Variants in TRIM14 observed in about 807,000 individuals in gnomAD.
TRIM14 encodes the protein tripartite motif-containing protein 14.
In TRIM14, 28 loss-of-function variants were observed where a neutral mutation model predicts 44.5. The observed-to-expected ratio is 0.63, with a 90% CI of 0.47 to 0.86. The LOEUF (loss-of-function observed/expected upper bound fraction) is 0.86. Among genes scored for constraint, TRIM14 ranks in the 40% least tolerant of loss-of-function variants. The pLI is 0.00. For synonymous variants in TRIM14, 299 were observed against 269.2 expected (o/e 1.11, Z -1.08); for missense variants, 607 against 611.1 (o/e 0.99, Z 0.07).
At chr9:98,052,490 A>AG in the TRIM14 span, among the ~76,000 whole-genome samples, 1 of 150,990 alleles carries the variant, frequency 6.6e-6, no homozygotes, top group African/African-American at 2.4e-5. Context: ...TTTTTTCTTA[A>AG]AAAAAAAACT....
intron 2 of TRIM14, among the ~76,000 whole-genome samples, chr9:98,105,837 C>T (rs1357579632): frequency 6.6e-6 from 1 of 152,180 alleles, no homozygotes; most frequent in Non-Finnish European, 1.5e-5. Flanking sequence ...CAAAGAGCTG[C>T]TCCATCCATC....
chr9:98,118,238 G>A (rs1827122756), intron 1 of TRIM14, among the ~76,000 whole-genome samples: 1 of 109,872 alleles, frequency 9.1e-6, no homozygotes, highest in African/African-American at 4.1e-5. Flanking sequence ...TGGGAAGCTG[G>A]AGCAGGAGCC....
At chr9:98,105,940 A>G (rs987958199) in intron 2 of TRIM14, among the ~76,000 whole-genome samples, 2 of 152,250 alleles carry the variant, frequency 1.3e-5, no homozygotes, top group African/African-American at 4.8e-5. Context: ...GAAAATCACC[A>G]GCAAAACAAA....
At chr9:98,064,140 A>T in the TRIM14 span, among the ~76,000 whole-genome samples, 1 of 152,226 alleles carries the variant, frequency 6.6e-6, no homozygotes, top group East Asian at 1.9e-4. Context: ...CTAGGCCTCT[A>T]GAGAACTTGG....
rs1464010111 is a variant in TRIM14, at chr9:98,095,555, T to C, written c.538-526A>G. On this transcript the variant is annotated intron_variant, in intron 3 of 5. Transcript: ENST00000341469. This position sits in a 1 kb window ranked among gnomAD's most constrained non-coding sequence, Gnocchi z 4.1. Reference sequence around the variant, plus strand: ...TCAGCTGCAGTGCTGACTGAGGGGGTGTGGCCACCGCAGGGGACATGTGTC... The same window carrying C: ...TCAGCTGCAGTGCTGACTGAGGGGGCGTGGCCACCGCAGGGGACATGTGTC... Among the ~76,000 whole-genome samples the C allele has an allele frequency of 6.6e-6, 1 of 152,072 alleles. No homozygotes were observed. The highest frequency in any genetic ancestry group is 1.5e-5 in the Non-Finnish European group (1 of 67,996).
chr9:98,057,211 AT>A, the TRIM14 span, among the ~76,000 whole-genome samples: 3 of 152,176 alleles, frequency 2.0e-5, no homozygotes, highest in Non-Finnish European at 4.4e-5. Flanking sequence ...GTCAGACTTG[AT>A]CAGACCATCC....
chr9:98,051,192 C>A, the TRIM14 span, among the ~76,000 whole-genome samples: 1 of 152,186 alleles, frequency 6.6e-6, no homozygotes, highest in Non-Finnish European at 1.5e-5. Flanking sequence ...ACCAGGGAGA[C>A]TACTATTATG....
At chr9:98,081,170 C>T, downstream of TRIM14, 1 of 1,540,394 alleles carries the variant, frequency 6.5e-7, no homozygotes, top group African/African-American at 1.4e-5. Context: ...GACCAGCCCT[C>T]CCTGAGCCAG....
Position 98,084,909 on chromosome 9 carries a change from G to T in TRIM14, c.*2561C>A, listed in dbSNP as rs1825718041. 6.6e-6 allele frequency: 1 copy of T among 152,172 alleles called. No individual in the cohort carries two copies. Among genetic ancestry groups the T allele is most frequent in the African/African-American group, 2.4e-5 (1 of 41,412 alleles). 9.4% of individuals were successfully genotyped at this position (152,172 alleles called of 1,614,324 possible). On this transcript the variant is annotated 3_prime_UTR_variant, in exon 6 of 6. Coordinates refer to ENST00000341469, the MANE Select transcript of TRIM14 (RefSeq NM_014788.4). ...CATTTGAGCCTCACAGCACTTGGTA[G>T]GTAGTGCTATTATCCCCATTTTATA...
the TRIM14 span, among the ~76,000 whole-genome samples, chr9:98,051,517 A>C: frequency 7.5e-6 from 1 of 133,508 alleles, no homozygotes; most frequent in African/African-American, 3.4e-5. Context: ...TTACAGTAGA[A>C]CCTGCTATAG....
rs375645370 is a variant in TRIM14 at position 98,107,260 on chromosome 9, A to G, written c.303+2629T>C. ...TTAAAAAACAAAACAGGCAGGTGCC[A>G]TATGACCCAGCAATAGCATTCCTGG... On this transcript the variant is annotated intron_variant, in intron 2 of 5. Transcript: ENST00000341469. Among the ~76,000 whole-genome samples the G allele has an allele frequency of 3.7e-4, 57 of 152,354 alleles. 3 individuals are homozygous for G. In the South Asian group the frequency reaches 0.012, roughly 31 times the overall value.
rs369749928 is a variant in TRIM14 at position 98,087,452 on chromosome 9, T to C, written c.*18A>G. The C allele has an allele frequency of 3.9e-5, 63 of 1,605,812 alleles. No individual in the cohort carries two copies. Among genetic ancestry groups the C allele is most frequent in the Admixed American group, 6.7e-5 (4 of 59,520 alleles). ...GCAGCTGCGGCGTACCTGGAGGCTG[T>C]CACGCCGGTCCTGGCCCCTAGGGCA... On this transcript the variant is annotated 3_prime_UTR_variant, in exon 6 of 6. Transcript: ENST00000341469.
In TRIM14 at chr9:98,098,343, G is replaced by A. The variant is rs58856943; in HGVS notation, c.537+1588C>T. Among the ~76,000 whole-genome samples the A allele has an allele frequency of 3.3e-5, 5 of 152,282 alleles. No individual in the cohort carries two copies. The East Asian group carries it at 9.6e-4, about 29-fold the overall frequency. ...CAGGAGGAGCTCTATTAGTGGAAAA[G>A]CAATTCTAGTGCAGAAGTGACTGCA... On this transcript the variant is annotated intron_variant, in intron 3 of 5. Transcript: ENST00000341469.
chr9:98,060,727 C>G, the TRIM14 span: 1 of 1,541,862 alleles, frequency 6.5e-7, no homozygotes, highest in South Asian at 1.1e-5. Context: ...AGAATTTTTT[C>G]CTTTTTTTGA....
downstream of TRIM14, chr9:98,081,023 C>T (rs145067627): frequency 1.3e-4 from 217 of 1,614,208 alleles, 2 homozygotes; most frequent in Middle Eastern, 2.6e-3. Context: ...TCTTGTGGAG[C>T]GTGCCCTGGG....
chr9:98,051,132 C>T, the TRIM14 span, among the ~76,000 whole-genome samples: 650 of 152,300 alleles, frequency 4.3e-3, 3 homozygotes, highest in African/African-American at 0.015. Flanking sequence ...GTTTGATATT[C>T]TAAAGATGGC....
At chr9:98,088,916 TTTGTTG>T (rs991793724) in intron 5 of TRIM14, among the ~76,000 whole-genome samples, 1 of 110,466 alleles carries the variant, frequency 9.1e-6, no homozygotes, top group African/African-American at 6.7e-5. Context: ...TGAAGTTTTT[TTTGTTG>T]TTGTTGTTGT....
chr9:98,074,233 T>G (rs1324903375), intron 6 of TRIM14, among the ~76,000 whole-genome samples: 1 of 152,224 alleles, frequency 6.6e-6, no homozygotes, highest in East Asian at 1.9e-4. Flanking sequence ...CATTTCTGCA[T>G]GTTGAACTCA....
chr9:98,068,605 G>T (rs554769305), downstream of TRIM14, among the ~76,000 whole-genome samples: 1 of 151,098 alleles, frequency 6.6e-6, no homozygotes, highest in South Asian at 2.1e-4. Flanking sequence ...CTTGAGGCCA[G>T]GAGTTCAAGA....
Sources: allele counts gnomAD v4.1 joint callset (sites outside exome capture counted in the v4.1 genomes callset), GRCh38; gene constraint gnomAD v4.1.1; non-coding constraint Gnocchi (gnomAD v3.1); transcripts MANE v1.5; gene names NCBI Gene and HGNC (gene_info 2026-07-23, HGNC 2026-07-21).